The following PLEKHA6 variants were observed in gnomAD, a reference collection of about 807,000 sequenced individuals.
PLEKHA6 encodes pleckstrin homology domain containing A6.
PLEKHA6 carries 60 observed loss-of-function variants against 116.7 expected under a neutral mutation model. That is an observed-to-expected ratio of 0.51 (90% CI 0.42 to 0.64). PLEKHA6 has a LOEUF of 0.64. PLEKHA6 is among the 30% of genes least tolerant of loss of function. The pLI, the probability that PLEKHA6 is intolerant of heterozygous loss-of-function variation, is 0.00. For missense variants in PLEKHA6, 1,338 were observed against 1,422.7 expected (o/e 0.94, Z 0.96); for synonymous variants, 489 against 556.1 (o/e 0.88, Z 1.70).
chr1:204,315,499 A>C (rs1671824902), intron 1 of PLEKHA6, among the ~76,000 whole-genome samples: 1 of 152,078 alleles, frequency 6.6e-6, no homozygotes, highest in Non-Finnish European at 1.5e-5. Flanking sequence ...GTTAAATCCA[A>C]ATCTCCCAGG....
At chr1:204,307,839 C>G in intron 1 of PLEKHA6, 1 of 984,960 alleles carries the variant, frequency 1.0e-6, no homozygotes, top group Non-Finnish European at 1.2e-6. Flanking sequence ...TCTCCCAGCC[C>G]CAACCCCTCC....
intron 1 of PLEKHA6, among the ~76,000 whole-genome samples, chr1:204,374,478 A>C (rs1673831266): frequency 6.6e-6 from 1 of 152,144 alleles, no homozygotes; most frequent in African/African-American, 2.4e-5. Context: ...CAGTATGCCC[A>C]ATCACCTCAC....
intron 1 of PLEKHA6, among the ~76,000 whole-genome samples, chr1:204,342,563 A>G (rs1672886575): frequency 6.6e-6 from 1 of 152,198 alleles, no homozygotes; most frequent in Non-Finnish European, 1.5e-5. Context: ...TAAAACATAG[A>G]TTCTGATTCA....
chr1:204,318,352 G>A (rs1022538480), intron 1 of PLEKHA6, among the ~76,000 whole-genome samples: 1 of 152,194 alleles, frequency 6.6e-6, no homozygotes, highest in Non-Finnish European at 1.5e-5. Flanking sequence ...TACCCCTGCT[G>A]TACAAGTGAG....
chr1:204,245,300 G>T (rs894664702), intron 14 of PLEKHA6, among the ~76,000 whole-genome samples: 5 of 152,054 alleles, frequency 3.3e-5, no homozygotes, highest in Non-Finnish European at 7.4e-5. Flanking sequence ...AAACTCTAAG[G>T]TAGGGGTCAC....
intron 1 of PLEKHA6, among the ~76,000 whole-genome samples, chr1:204,331,904 G>T (rs933861305): frequency 6.6e-6 from 1 of 150,548 alleles, no homozygotes; most frequent in Non-Finnish European, 1.5e-5. Context: ...AGAGGCCCCA[G>T]TGTCCATCCC....
chr1:204,286,034 G>C (rs755445019), intron 1 of PLEKHA6, among the ~76,000 whole-genome samples: 1 of 152,126 alleles, frequency 6.6e-6, no homozygotes, highest in Admixed American at 6.5e-5. Context: ...AGGACAGCAG[G>C]CTTAGGATTC....
rs188845881 is a variant in PLEKHA6, at chr1:204,261,163, G to C, written c.524+143C>G. 1.0e-6 allele frequency: 1 copy of C among 960,176 alleles called. No homozygotes were observed. The highest frequency in any genetic ancestry group is 1.6e-5 in the African/African-American group (1 of 61,590). 59.5% of individuals were successfully genotyped at this position (960,176 alleles called of 1,614,324 possible). ...CTGAAATCACTCAGCCAGGCCTCCC[G>C]CCTGGATGCAAGGAGACGGCTCACA... On this transcript the variant is annotated intron_variant, in intron 7 of 22. Transcript: ENST00000272203. The surrounding 1 kb of genome is among the most constrained non-coding windows in gnomAD (Gnocchi z 4.0).
rs765159676 is a variant in PLEKHA6, at chr1:204,264,948, C to T, written c.375G>A (p.Thr125=). The stretch of plus-strand genomic sequence containing the variant: ...GAAGGGAAGGCCAACTGACCTTAAA[C>T]GTGTGTTTCCGGCTGATGTTGTCTG... ...QPSDNISRKH[T]FKAEHAGVRT... Residue 125 remains threonine (T), a synonymous_variant, in exon 6 of 23, where the codon ACG becomes ACA. Coordinates refer to ENST00000272203, the MANE Select transcript of PLEKHA6 (RefSeq NM_014935.5). The T allele has an allele frequency of 6.2e-6, 10 of 1,612,396 alleles. No individual in the cohort carries two copies. In the East Asian group the frequency reaches 1.1e-4, roughly 18 times the overall value.
intron 9 of PLEKHA6, among the ~76,000 whole-genome samples, chr1:204,252,741 G>A (rs1372003546): frequency 2.0e-5 from 3 of 152,218 alleles, no homozygotes; most frequent in African/African-American, 7.2e-5. Context: ...ACATGTTGTA[G>A]GCAGGGCAAG....
intron 6 of PLEKHA6, among the ~76,000 whole-genome samples, chr1:204,264,616 G>A (rs550443637): frequency 1.1e-4 from 16 of 152,238 alleles, no homozygotes; most frequent in Admixed American, 7.2e-4. Flanking sequence ...AAAAGTCCAA[G>A]GACTAAGAAC....
intron 1 of PLEKHA6, among the ~76,000 whole-genome samples, chr1:204,294,034 T>C (rs928433035): frequency 6.6e-6 from 1 of 152,238 alleles, no homozygotes; most frequent in Non-Finnish European, 1.5e-5. Flanking sequence ...TTAATTGTAC[T>C]GTGGTTATGC....
chr1:204,324,245 A>G (rs1672165222), intron 1 of PLEKHA6, among the ~76,000 whole-genome samples: 1 of 152,176 alleles, frequency 6.6e-6, no homozygotes, highest in Non-Finnish European at 1.5e-5. Flanking sequence ...CCCTGGTAAG[A>G]GTCAGGGCTA....
chr1:204,373,154 C>T (rs1673808052), intron 1 of PLEKHA6, among the ~76,000 whole-genome samples: 2 of 148,828 alleles, frequency 1.3e-5, no homozygotes, highest in South Asian at 4.2e-4. Context: ...TGCAGTGGCA[C>T]GATCTTGCCT....
intron 2 of PLEKHA6, among the ~76,000 whole-genome samples, chr1:204,370,130 C>T (rs556736461): frequency 1.3e-5 from 2 of 152,244 alleles, no homozygotes; most frequent in African/African-American, 4.8e-5. Context: ...AACCATGACA[C>T]CACTTTGCTT....
chr1:204,228,261 AG>A lies in PLEKHA6; in HGVS notation c.2886-34del. On this transcript the variant is annotated intron_variant, in intron 20 of 22. Transcript: ENST00000272203. The surrounding 1 kb of genome is among the most constrained non-coding windows in gnomAD (Gnocchi z 4.0). ...GGCACAGACACACAGAAATGGAGGG[AG>A]GGACAGGATGGTCCAAGTGGCTTGA... 6.4e-7 allele frequency: 1 copy of A among 1,565,416 alleles called. No individual in the cohort carries two copies. The highest frequency in any genetic ancestry group is 1.3e-5 in the African/African-American group (1 of 74,076).
chr1:204,280,298 A>G (rs561438805), intron 1 of PLEKHA6: 10 of 985,434 alleles, frequency 1.0e-5, no homozygotes, highest in Non-Finnish European at 1.2e-5. Context: ...TACACTGTCA[A>G]GAGTGGCAAA....
chr1:204,315,269 G>T (rs560561126), intron 1 of PLEKHA6, among the ~76,000 whole-genome samples: 1 of 152,164 alleles, frequency 6.6e-6, no homozygotes, highest in South Asian at 2.1e-4. Context: ...ATCCTCAGTG[G>T]TTACCCCTCC....
In PLEKHA6 at chr1:204,228,858, A is replaced by G. The variant is rs1292288823; in HGVS notation, c.2755T>C (p.Ser919Pro). 3 of 1,614,042 alleles carry G rather than the reference A, an allele frequency of 1.9e-6. No homozygotes were observed. The highest frequency in any genetic ancestry group is 2.5e-6 in the Non-Finnish European group (3 of 1,179,960). ...GGGATGAGGACTTTGTCTGGAGTGG[A>G]GAGCTATGGAGGGGCTGGGGTCACC... ...HYDVDINKEL[S>P]TPDKVLIPER... is the part of the protein sequence containing the mutation. Residue 919 changes from serine (S) to proline (P), a missense_variant, in exon 20 of 23, where the codon TCC (serine) becomes CCC (proline). Transcript: ENST00000272203. This position sits in a 1 kb window ranked among gnomAD's most constrained non-coding sequence, Gnocchi z 4.0.
Sources: allele counts gnomAD v4.1 joint callset (sites outside exome capture counted in the v4.1 genomes callset), GRCh38; gene constraint gnomAD v4.1.1; non-coding constraint Gnocchi (gnomAD v3.1); transcripts MANE v1.5; gene names NCBI Gene and HGNC (gene_info 2026-07-23, HGNC 2026-07-21).